Variants in HEY1 observed in about 807,000 individuals in gnomAD.
HEY1 encodes hairy/enhancer-of-split related with YRPW motif protein 1.
A neutral mutation model predicts 28.7 loss-of-function variants in HEY1; 9 were observed. That is an observed-to-expected ratio of 0.31 (90% CI 0.19 to 0.55). The LOEUF (loss-of-function observed/expected upper bound fraction) is 0.55. Ranked by LOEUF, HEY1 falls within the 20% of genes least tolerant of loss-of-function variation. The probability of loss-of-function intolerance (pLI) is 0.93; values close to 1 mark genes in which losing one functional copy is unlikely to be tolerated. For synonymous variants in HEY1, 213 were observed against 175.6 expected (o/e 1.21, Z -1.68); for missense variants, 385 against 399.4 (o/e 0.96, Z 0.31).
intron 4 of HEY1, 143 bp from the exon 5 acceptor site, chr8:79,765,914 A>G (rs1183234435): frequency 2.5e-6 from 2 of 786,778 alleles, no homozygotes; most frequent in Admixed American, 5.9e-5. Flanking sequence ...TTTGGAATCA[A>G]CAAAAATCTT....
At position 79,764,209 on chromosome 8, in the gene HEY1, T is replaced by C. The variant is rs139364299; in HGVS notation, c.*979A>G. 2 of 217,624 alleles carry C rather than the reference T, an allele frequency of 9.2e-6. No individual in the cohort carries two copies. Among genetic ancestry groups the C allele is most frequent in the Non-Finnish European group, 1.8e-5 (2 of 108,374 alleles). The allele number at this position is 217,624 out of a possible 1,614,324, so 13.5% of individuals were successfully genotyped here. A position where few individuals can be genotyped will look rare whatever the true frequency, so the allele number is the denominator to read the frequency against. On this transcript the variant is annotated 3_prime_UTR_variant, in exon 5 of 5. Transcript: ENST00000354724. ...AAATACCTTGGCAACCACAGTTCCATGCACCAAAAGGAAAACTCACATAAA... is the reference window on the plus strand; with the variant it reads ...AAATACCTTGGCAACCACAGTTCCACGCACCAAAAGGAAAACTCACATAAA...
chr8:79,767,394 T>C (rs773988850), intron 1 of HEY1, 100 bp from the exon 2 acceptor site: 14 of 1,223,730 alleles, frequency 1.1e-5, no homozygotes, highest in Non-Finnish European at 1.5e-5. Context: ...CTCAGACTTT[T>C]TTTGCCACTT....
At position 79,765,249 on chromosome 8, in the gene HEY1, G is replaced by A. The variant is rs145511397; in HGVS notation, c.854C>T (p.Thr285Met). 3.1e-3 allele frequency: 4,781 copies of A among 1,554,162 alleles called. 15 individuals are homozygous for A. The highest frequency in any genetic ancestry group is 3.9e-3 in the Non-Finnish European group (4,431 of 1,147,978). ...GGGCTTGCCAAGGTTTGCAGCCTGCGTGGGTGCTGAAGGGCTCAGTGCATT... is the reference window on the plus strand; with the variant it reads ...GGGCTTGCCAAGGTTTGCAGCCTGCATGGGTGCTGAAGGGCTCAGTGCATT... ...SPNALSPSAP[T>M]QAANLGKPYR... The change falls in exon 5 of 5, where the codon ACG (threonine) becomes ATG (methionine). Residue 285 changes from threonine (T) to methionine (M), a missense_variant. By Grantham distance (81) the Thr-to-Met change is moderately conservative. Around this residue, in one of 3 missense-constraint regions of HEY1, gnomAD observed 223 missense variants for 215.9 expected, o/e 1.03. Transcript: ENST00000354724.
rs2130488075 is a variant in HEY1, at chr8:79,765,601, C to T, written c.502G>A (p.Ala168Thr). ...LNNYASQREA[A>T]SGAHAGLGHI... ...CCGAGGCCCGCGTGGGCGCCGCTCGCGGCTTCCCGCTGGGAAGCGTAGTTG... is the reference window on the plus strand; with the variant it reads ...CCGAGGCCCGCGTGGGCGCCGCTCGTGGCTTCCCGCTGGGAAGCGTAGTTG... Residue 168 changes from alanine to threonine, a missense_variant, in exon 5 of 5, where the codon GCG (alanine) becomes ACG (threonine). This residue lies in a region of HEY1 where 223 missense variants were observed against 215.9 expected (regional missense o/e 1.03). Transcript: ENST00000354724. 1 of 1,614,102 alleles carries T rather than the reference C, an allele frequency of 6.2e-7. No individual in the cohort carries two copies. The highest frequency in any genetic ancestry group is 1.7e-5 in the Admixed American group (1 of 60,032).
In HEY1 at chr8:79,764,844, A is replaced by C; in HGVS notation, c.*344T>G. On this transcript the variant is annotated 3_prime_UTR_variant, in exon 5 of 5. Transcript: ENST00000354724. ...CAGACCAAAAATACTAAATGTTAAG[A>C]TTCCCCAAATTTTGAGGCAAAAACG... 1 of 245,864 alleles carries C rather than the reference A, an allele frequency of 4.1e-6. No individual in the cohort carries two copies. The highest frequency in any genetic ancestry group is 7.8e-6 in the Non-Finnish European group (1 of 127,826). 15.2% of individuals were successfully genotyped at this position (245,864 alleles called of 1,614,324 possible).
chr8:79,767,514 G>T, intron 1 of HEY1, 61 bp downstream of exon 1: 4 of 1,494,334 alleles, frequency 2.7e-6, no homozygotes, highest in Middle Eastern at 3.7e-4. Flanking sequence ...CGCTGTCACC[G>T]CGGCAGGCCT....
chr8:79,764,431 T>G lies in HEY1; in HGVS notation c.*757A>C, dbSNP rs1563475927. On this transcript the variant is annotated 3_prime_UTR_variant, in exon 5 of 5. Coordinates refer to ENST00000354724, the MANE Select transcript of HEY1 (RefSeq NM_012258.4). Reference sequence around the variant, plus strand: ...TAAATGCAGGCGTATTCTATTCAATTACCTTCAGTTTCCTTTCCACCAACA... The same window carrying G: ...TAAATGCAGGCGTATTCTATTCAATGACCTTCAGTTTCCTTTCCACCAACA... 4.4e-6 allele frequency: 1 copy of G among 226,112 alleles called. No individual in the cohort carries two copies. The highest frequency in any genetic ancestry group is 8.8e-6 in the Non-Finnish European group (1 of 113,608). 14.0% of individuals were successfully genotyped at this position (226,112 alleles called of 1,614,324 possible).
rs1807793723 is a variant in HEY1 at position 79,765,062 on chromosome 8, A to G, written c.*126T>C. 2 of 645,846 alleles carry G rather than the reference A, an allele frequency of 3.1e-6. No individual in the cohort carries two copies. Among genetic ancestry groups the G allele is most frequent in the Non-Finnish European group, 4.9e-6 (2 of 404,354 alleles). The allele number at this position is 645,846 out of a possible 1,614,324, so 40.0% of individuals were successfully genotyped here. A position where few individuals can be genotyped will look rare whatever the true frequency, so the allele number is the denominator to read the frequency against. On this transcript the variant is annotated 3_prime_UTR_variant, in exon 5 of 5. Transcript: ENST00000354724. The stretch of plus-strand genomic sequence containing the variant: ...AACCAACAAACCTTTAGTCTTTAAA[A>G]AAAAAATTATCTGAAAGTGTACCTT...
intron 1 of HEY1, 21 bp downstream of exon 1, chr8:79,767,554 G>T: frequency 6.3e-7 from 1 of 1,587,010 alleles, no homozygotes; most frequent in Non-Finnish European, 8.6e-7. Flanking sequence ...GCTCGGCTCC[G>T]CTCCGCCGCC....
rs144367108 is a variant in HEY1 at position 79,765,763 on chromosome 8, C to T, written c.340G>A (p.Asp114Asn). ...LHTAGGKGYFDAHALAMDYRS... is the reference protein window; with the variant it reads ...LHTAGGKGYFNAHALAMDYRS... ...TAGTCCATAGCAAGGGCGTGCGCGT[C>T]AAAGTAACCTAAGCAAAAGAACAAA... is the stretch of plus-strand genomic sequence containing the variant. Residue 114 changes from aspartate to asparagine, a missense_variant, in exon 5 of 5, where the codon GAC becomes AAC. By Grantham distance (23) the Asp-to-Asn change is conservative. Transcript: ENST00000354724. The T allele has an allele frequency of 4.4e-4, 710 of 1,603,018 alleles. No homozygotes were observed. The highest frequency in any genetic ancestry group is 5.4e-4 in the Non-Finnish European group (628 of 1,171,518).
At position 79,765,028 on chromosome 8, in the gene HEY1, A is replaced by T; in HGVS notation, c.*160T>A. ...CATGATGAAAAAAACATTAAAAAAG[A>T]TAAAAGTAAACCAACAAACCTTTAG... On this transcript the variant is annotated 3_prime_UTR_variant, in exon 5 of 5. Coordinates refer to ENST00000354724, the MANE Select transcript of HEY1 (RefSeq NM_012258.4). 1 of 549,250 alleles carries T rather than the reference A, an allele frequency of 1.8e-6. No homozygotes were observed. The highest frequency in any genetic ancestry group is 3.2e-6 in the Non-Finnish European group (1 of 314,676). 34.0% of individuals were successfully genotyped at this position (549,250 alleles called of 1,614,324 possible).
rs964655363 is a variant in HEY1, at chr8:79,765,434, A to G, written c.669T>C (p.His223=). 2.2e-5 allele frequency: 35 copies of G among 1,612,404 alleles called. No individual in the cohort carries two copies. Among genetic ancestry groups the G allele is most frequent in the Non-Finnish European group, 2.7e-5 (32 of 1,179,286 alleles). ...PHHQGRLGSA[H]PEAPALRAPP... Reference sequence around the variant, plus strand: ...GCGCTCGCAAAGCAGGCGCCTCCGGATGTGCCGAGCCCAGCCTGCCCTGGT... The same window carrying G: ...GCGCTCGCAAAGCAGGCGCCTCCGGGTGTGCCGAGCCCAGCCTGCCCTGGT... Residue 223 remains histidine (H), a synonymous_variant, in exon 5 of 5, where the codon CAT becomes CAC. Coordinates refer to ENST00000354724, the MANE Select transcript of HEY1 (RefSeq NM_012258.4).
chr8:79,766,499 A>C, intron 4 of HEY1, 152 bp downstream of exon 4: 1 of 1,509,946 alleles, frequency 6.6e-7, no homozygotes, highest in African/African-American at 1.4e-5. Context: ...TGTGCATTCG[A>C]AAATGTACTG....
In HEY1 at chr8:79,765,006, G is replaced by A. The variant is rs1411091997; in HGVS notation, c.*182C>T. On this transcript the variant is annotated 3_prime_UTR_variant, in exon 5 of 5. Coordinates refer to ENST00000354724, the MANE Select transcript of HEY1 (RefSeq NM_012258.4). ...TTTAAAAACTGCTAATACATGACAT[G>A]ATGAAAAAAACATTAAAAAAGATAA... The A allele has an allele frequency of 1.9e-6, 1 of 518,686 alleles. No homozygotes were observed. Among genetic ancestry groups the A allele is most frequent in the African/African-American group, 2.0e-5 (1 of 51,224 alleles). The allele number at this position is 518,686 out of a possible 1,614,324, so 32.1% of individuals were successfully genotyped here. A position where few individuals can be genotyped will look rare whatever the true frequency, so the allele number is the denominator to read the frequency against.
chr8:79,764,337 C>T lies in HEY1; in HGVS notation c.*851G>A, dbSNP rs142687555. On this transcript the variant is annotated 3_prime_UTR_variant, in exon 5 of 5. Coordinates refer to ENST00000354724, the MANE Select transcript of HEY1 (RefSeq NM_012258.4). ...ATTGACCACTCGCACACCATGATCA[C>T]TTATCCATGTTAACATTTGTGAATT... is the stretch of plus-strand genomic sequence containing the variant. 1.8e-5 allele frequency: 4 copies of T among 226,562 alleles called. No homozygotes were observed. The highest frequency in any genetic ancestry group is 4.4e-5 in the African/African-American group (2 of 44,944). The allele number at this position is 226,562 out of a possible 1,614,324, so 14.0% of individuals were successfully genotyped here.
At position 79,764,685 on chromosome 8, in the gene HEY1, TC is replaced by T. The variant is rs1156628382; in HGVS notation, c.*502del. On this transcript the variant is annotated 3_prime_UTR_variant, in exon 5 of 5. Transcript: ENST00000354724. Reference sequence around the variant, plus strand: ...AATATAAAATTCAATATAGTTCCCCTCCCCCCAAAAGAATATTATTTATACA... The same window carrying T: ...AATATAAAATTCAATATAGTTCCCCTCCCCCAAAAGAATATTATTTATACA... The T allele has an allele frequency of 4.5e-6, 1 of 221,736 alleles. No individual in the cohort carries two copies. The highest frequency in any genetic ancestry group is 2.2e-5 in the African/African-American group (1 of 44,650). 13.7% of individuals were successfully genotyped at this position (221,736 alleles called of 1,614,324 possible).
chr8:79,766,841 T>G, intron 3 of HEY1, 109 bp from the exon 4 acceptor site: 2 of 1,334,444 alleles, frequency 1.5e-6, no homozygotes, highest in East Asian at 4.6e-5. Flanking sequence ...TCGTAAAGCA[T>G]GGACTAAAGC....
Position 79,764,780 on chromosome 8 carries a change from T to G in HEY1, c.*408A>C, listed in dbSNP as rs1167496238. On this transcript the variant is annotated 3_prime_UTR_variant, in exon 5 of 5. Coordinates refer to ENST00000354724, the MANE Select transcript of HEY1 (RefSeq NM_012258.4). ...CATTAAGCATAGTGGTTTGGAAAAT[T>G]AATTCTAAAAACAGACCATAACTAT... 4.4e-6 allele frequency: 1 copy of G among 225,236 alleles called. No individual in the cohort carries two copies. The highest frequency in any genetic ancestry group is 2.2e-5 in the African/African-American group (1 of 44,934). 14.0% of individuals were successfully genotyped at this position (225,236 alleles called of 1,614,324 possible). A position where few individuals can be genotyped will look rare whatever the true frequency, so the allele number is the denominator to read the frequency against.
In HEY1 at chr8:79,765,330, A is replaced by C; in HGVS notation, c.773T>G (p.Val258Gly). Residue 258 changes from valine to glycine, a missense_variant, in exon 5 of 5, where the codon GTG (valine) becomes GGG (glycine). By Grantham distance (109) the Val-to-Gly change is moderately radical. Around this residue, in one of 3 missense-constraint regions of HEY1, gnomAD observed 223 missense variants for 215.9 expected, o/e 1.03. Transcript: ENST00000354724. The part of the protein sequence containing the change: ...SKLSPPLLSS[V>G]ASLSAFPFSF... Reference sequence around the variant, plus strand: ...GAAGGGGAAGGCCGACAGGGAGGCCACTGAGGAGAGCAGAGGCGGCGACAG... The same window carrying C: ...GAAGGGGAAGGCCGACAGGGAGGCCCCTGAGGAGAGCAGAGGCGGCGACAG... 6 of 1,570,380 alleles carry C rather than the reference A, an allele frequency of 3.8e-6. No individual in the cohort carries two copies. The highest frequency in any genetic ancestry group is 5.2e-6 in the Non-Finnish European group (6 of 1,157,124).
Sources: gnomAD v4.1 joint callset for allele counts on GRCh38, gnomAD v4.1.1 for gene constraint, gnomAD v4.1.1 regional missense constraint, MANE v1.5 for transcripts, NCBI Gene and HGNC (gene_info 2026-07-23, HGNC 2026-07-21) for gene names.